CNTN3: variants seen among roughly 807,000 people sequenced by gnomAD.
CNTN3 encodes contactin-3.
In CNTN3, 60 loss-of-function variants were observed where a neutral mutation model predicts 119.1. The observed-to-expected ratio is 0.50, with a 90% confidence interval of 0.41 to 0.62. The LOEUF (loss-of-function observed/expected upper bound fraction) is 0.62, where lower values mean the gene tolerates loss of function less well. Ranked by LOEUF, CNTN3 falls within the 20% of genes least tolerant of loss-of-function variation. The pLI, the probability that CNTN3 is intolerant of heterozygous loss-of-function variation, is 0.00. For synonymous variants in CNTN3, 450 were observed against 438.7 expected (o/e 1.03, Z -0.32); for missense variants, 1,101 against 1,242.4 (o/e 0.89, Z 1.71).
At chr3:74,457,740 C>G (rs1702296716) in intron 4 of CNTN3, among the ~76,000 whole-genome samples, 1 of 151,912 alleles carries the variant, frequency 6.6e-6, no homozygotes, top group East Asian at 1.9e-4. Flanking sequence ...TAACACCTTT[C>G]CTTAAGAAAA....
intron 11 of CNTN3, among the ~76,000 whole-genome samples, chr3:74,344,868 TACACACACACAC>T (rs59061088): frequency 6.7e-6 from 1 of 148,740 alleles, no homozygotes; most frequent in South Asian, 2.1e-4. Context: ...TGTATACGTA[TACACACACACAC>T]ACACACACAC....
intron 1 of CNTN3, among the ~76,000 whole-genome samples, chr3:74,613,269 CT>C (rs758332591): frequency 0.061 from 8,124 of 132,422 alleles, 317 homozygotes; most frequent in South Asian, 0.16. Flanking sequence ...AGTCTTCCTA[CT>C]TTTTTTTTTT....
chr3:74,457,592 C>T (rs971343261), intron 4 of CNTN3, among the ~76,000 whole-genome samples: 7 of 139,008 alleles, frequency 5.0e-5, no homozygotes. Flanking sequence ...GTCATTTCTA[C>T]TACACTTTCA....
chr3:74,339,087 C>A (rs1477726289), intron 11 of CNTN3, among the ~76,000 whole-genome samples: 1 of 151,964 alleles, frequency 6.6e-6, no homozygotes, highest in East Asian at 1.9e-4. Flanking sequence ...AAAGAAGAAA[C>A]CCTGCAGAGA....
chr3:74,316,092 A>G (rs1702824590), intron 13 of CNTN3, among the ~76,000 whole-genome samples: 1 of 152,242 alleles, frequency 6.6e-6, no homozygotes, highest in Non-Finnish European at 1.5e-5. Context: ...CAAAGTAAGT[A>G]TCCAATAAAT....
At chr3:74,441,224 A>G (rs570095246) in intron 4 of CNTN3, among the ~76,000 whole-genome samples, 47 of 152,280 alleles carry the variant, frequency 3.1e-4, no homozygotes, top group African/African-American at 1.1e-3. Context: ...GTTTTTTGAG[A>G]AAAGAAAGTC....
intron 11 of CNTN3, among the ~76,000 whole-genome samples, chr3:74,355,158 T>C (rs1703907346): frequency 6.6e-6 from 1 of 152,100 alleles, no homozygotes. Context: ...ATTTCTGCCA[T>C]TTCTATAAGG....
chr3:74,338,401 T>C (rs1178886240), intron 11 of CNTN3, among the ~76,000 whole-genome samples: 2 of 152,010 alleles, frequency 1.3e-5, no homozygotes, highest in Non-Finnish European at 2.9e-5. Flanking sequence ...TGTGTGTATA[T>C]ATATACATAT....
chr3:74,489,112 T>C (rs928205747), intron 3 of CNTN3, among the ~76,000 whole-genome samples: 2 of 152,154 alleles, frequency 1.3e-5, no homozygotes, highest in South Asian at 2.1e-4. Context: ...ACACTCCTTG[T>C]GAATACTCTG....
At chr3:74,611,281 G>C (rs1395612919) in intron 1 of CNTN3, among the ~76,000 whole-genome samples, 1 of 152,106 alleles carries the variant, frequency 6.6e-6, no homozygotes, top group Non-Finnish European at 1.5e-5. Context: ...TACATTCCAA[G>C]TAGCAAAGCT....
At chr3:74,491,380 G>A (rs4677402) in intron 3 of CNTN3, among the ~76,000 whole-genome samples, 25,265 of 151,902 alleles carry the variant, frequency 0.17, 2,671 homozygotes, top group East Asian at 0.37. Context: ...GCATGTGCTT[G>A]TAGTCCCAGC....
chr3:74,512,437 T>C (rs1321357746), intron 2 of CNTN3, among the ~76,000 whole-genome samples: 3 of 152,060 alleles, frequency 2.0e-5, no homozygotes, highest in African/African-American at 7.2e-5. Flanking sequence ...GGAATCAGTA[T>C]AATGCCCACT....
At chr3:74,273,688 C>T (rs1701825901) in intron 20 of CNTN3, among the ~76,000 whole-genome samples, 1 of 152,178 alleles carries the variant, frequency 6.6e-6, no homozygotes, top group African/African-American at 2.4e-5. Context: ...CCAAGCAGGC[C>T]ACTCCTGCCT....
chr3:74,496,991 T>C (rs1703077645), intron 3 of CNTN3, among the ~76,000 whole-genome samples: 1 of 152,048 alleles, frequency 6.6e-6, no homozygotes, highest in African/African-American at 2.4e-5. Context: ...GACATTCTTT[T>C]ACAAGATTCT....
intron 1 of CNTN3, among the ~76,000 whole-genome samples, chr3:74,593,200 T>C (rs893363112): frequency 2.6e-5 from 4 of 151,982 alleles, no homozygotes; most frequent in African/African-American, 2.4e-5. Context: ...GGCTAATTAA[T>C]GACTTTTTGG....
At chr3:74,536,892 A>AGGGGTGGT (rs1703772863) in intron 1 of CNTN3, among the ~76,000 whole-genome samples, 3 of 152,180 alleles carry the variant, frequency 2.0e-5, no homozygotes, top group African/African-American at 7.2e-5. Flanking sequence ...AGAGTGCCAG[A>AGGGGTGGT]GGGGTGGTGG....
chr3:74,410,984 C>G (rs1207862961), intron 5 of CNTN3, among the ~76,000 whole-genome samples: 1 of 152,104 alleles, frequency 6.6e-6, no homozygotes, highest in Non-Finnish European at 1.5e-5. Flanking sequence ...ACTGACTCTA[C>G]TTACTCACTG....
chr3:74,476,229 G>A (rs1702652496), intron 4 of CNTN3, among the ~76,000 whole-genome samples: 1 of 152,134 alleles, frequency 6.6e-6, no homozygotes, highest in African/African-American at 2.4e-5. Flanking sequence ...GTTGAGAGGT[G>A]CACAGGAACC....
At position 74,576,192 on chromosome 3, in the gene CNTN3, T is replaced by C. The variant is rs192642944; in HGVS notation, c.-81+38199A>G. Among the ~76,000 whole-genome samples the C allele has an allele frequency of 4.6e-5, 7 of 152,272 alleles. No homozygotes were observed. In the East Asian group the frequency reaches 1.4e-3, roughly 29 times the overall value. On this transcript the variant is annotated intron_variant, in intron 1 of 22. Transcript: ENST00000263665. ...TTCCTTCAAATCTACAGTTGCAAAC[T>C]TTTCCTGGGAGGTATTACAAAGGAA...
Sources: allele counts gnomAD v4.1 joint callset (sites outside exome capture counted in the v4.1 genomes callset), GRCh38; gene constraint gnomAD v4.1.1; transcripts MANE v1.5; gene names NCBI Gene and HGNC (gene_info 2026-07-23, HGNC 2026-07-21).